Variants in PRDM16 observed in about 807,000 individuals in gnomAD.
PRDM16 encodes PR/SET domain 16.
A neutral mutation model predicts 110.6 loss-of-function variants in PRDM16; 23 were observed. That is an observed-to-expected ratio of 0.21 (90% CI 0.15 to 0.29). PRDM16 has a LOEUF of 0.29. PRDM16 is among the 10% of genes least tolerant of loss of function. The pLI is 1.00. For missense variants in PRDM16, 1,615 were observed against 1,794.3 expected (o/e 0.90, Z 1.81); for synonymous variants, 799 against 781.8 (o/e 1.02, Z -0.37).
In PRDM16 at chr1:3,076,892, G is replaced by T. The variant is rs1641913488; in HGVS notation, c.37+7596G>T. ...ATTCTATAAGGAATTTAAACATGGGGTGATGGTGGGTGTTTTTGGGGGGGA... is the reference window on the plus strand; with the variant it reads ...ATTCTATAAGGAATTTAAACATGGGTTGATGGTGGGTGTTTTTGGGGGGGA... On this transcript the variant is annotated intron_variant, in intron 1 of 16. Coordinates refer to ENST00000270722, the MANE Select transcript of PRDM16 (RefSeq NM_022114.4). Among the ~76,000 whole-genome samples the T allele has an allele frequency of 2.0e-5, 3 of 152,140 alleles. No homozygotes were observed. The South Asian group carries it at 6.2e-4, about 32-fold the overall frequency.
chr1:3,418,579 C>T (rs1404297171), intron 11 of PRDM16, 88 bp from the exon 12 acceptor site: 34 of 889,882 alleles, frequency 3.8e-5, no homozygotes, highest in Non-Finnish European at 5.3e-5. Context: ...TGTGAGACCC[C>T]GAGCATTAGC....
intron 12 of PRDM16, among the ~76,000 whole-genome samples, chr1:3,423,416 G>C (rs1638498215): frequency 6.6e-6 from 1 of 152,150 alleles, no homozygotes; most frequent in Non-Finnish European, 1.5e-5. Flanking sequence ...TGTGTTGATG[G>C]CAGGTCAGAC....
intron 3 of PRDM16, among the ~76,000 whole-genome samples, chr1:3,376,972 C>T (rs543739405): frequency 1.2e-3 from 176 of 152,316 alleles, no homozygotes; most frequent in African/African-American, 3.8e-3. Context: ...CACACCGGAC[C>T]GAGGTGTTTC....
intron 3 of PRDM16, among the ~76,000 whole-genome samples, chr1:3,296,440 G>C (rs1641091174): frequency 6.6e-6 from 1 of 152,264 alleles, no homozygotes; most frequent in African/African-American, 2.4e-5. Context: ...GGTAGGAATG[G>C]GCACAGCCTG....
chr1:3,401,387 A>G (rs1231606671), intron 5 of PRDM16, among the ~76,000 whole-genome samples: 1 of 152,158 alleles, frequency 6.6e-6, no homozygotes, highest in Non-Finnish European at 1.5e-5. Context: ...GACTCTGCTC[A>G]ATGCTGGGCA....
chr1:3,107,217 C>A (rs1322850709), intron 1 of PRDM16, among the ~76,000 whole-genome samples: 1 of 152,210 alleles, frequency 6.6e-6, no homozygotes, highest in African/African-American at 2.4e-5. Flanking sequence ...CACCTTGAAC[C>A]TCACCCTGCC....
rs367724715 is a variant in PRDM16, at chr1:3,148,063, G to A, written c.38-38062G>A. 3.1e-4 allele frequency among the ~76,000 whole-genome samples: 47 copies of A among 152,150 alleles called. No individual in the cohort carries two copies. The highest frequency in any genetic ancestry group is 6.2e-4 in the South Asian group (3 of 4,808). ...CCGAGATGCATTCAGATTCAAGTTC[G>A]GCCTTTGGCGTCTTCTCTCGGGGGC... On this transcript the variant is annotated intron_variant, in intron 1 of 16. Transcript: ENST00000270722. The surrounding 1 kb of genome is among the most constrained non-coding windows in gnomAD (Gnocchi z 5.0).
At position 3,435,596 on chromosome 1, in the gene PRDM16, T is replaced by TA; in HGVS notation, c.*1785_*1786insA. The TA allele has an allele frequency of 8.7e-6, 2 of 229,640 alleles. No homozygotes were observed. Among genetic ancestry groups the TA allele is most frequent in the Non-Finnish European group, 1.7e-5 (2 of 116,216 alleles). 14.2% of individuals were successfully genotyped at this position (229,640 alleles called of 1,614,324 possible). ...AGAAAAAAAATGCCCAAGTTGCCCTTTAAAAAAAAAGAGCGTAAATACAAA... is the reference window on the plus strand; with the variant it reads ...AGAAAAAAAATGCCCAAGTTGCCCTTATAAAAAAAAAGAGCGTAAATACAAA... On this transcript the variant is annotated 3_prime_UTR_variant, in exon 17 of 17. Coordinates refer to ENST00000270722, the MANE Select transcript of PRDM16 (RefSeq NM_022114.4).
At chr1:3,332,228 A>G (rs1642055502) in intron 3 of PRDM16, among the ~76,000 whole-genome samples, 1 of 152,276 alleles carries the variant, frequency 6.6e-6, no homozygotes, top group African/African-American at 2.4e-5. Flanking sequence ...TGGTAATGAG[A>G]TTCTGCCACG....
chr1:3,089,469 G>A (rs551528333), intron 1 of PRDM16, among the ~76,000 whole-genome samples: 5 of 152,250 alleles, frequency 3.3e-5, no homozygotes, highest in Admixed American at 6.5e-5. Context: ...AGGCGGAAGC[G>A]GGTGGAAACT....
chr1:3,277,766 C>T (rs539449898), intron 3 of PRDM16, among the ~76,000 whole-genome samples: 41 of 141,822 alleles, frequency 2.9e-4, no homozygotes, highest in South Asian at 8.6e-4. Flanking sequence ...TGCACACACG[C>T]GCACACACAC....
In PRDM16 at chr1:3,369,118, T is replaced by A. The variant is rs1642867259; in HGVS notation, c.439-16034T>A. ...GGTAATATCATTGTGGGGGACACAC[T>A]CTTAATTCCTTTGATATATTTTGTC... On this transcript the variant is annotated intron_variant, in intron 3 of 16. Transcript: ENST00000270722. Among the ~76,000 whole-genome samples, 6 of 152,186 alleles carry A rather than the reference T, an allele frequency of 3.9e-5. No individual in the cohort carries two copies. In the South Asian group the frequency reaches 1.2e-3, roughly 32 times the overall value.
chr1:3,294,785 C>G (rs1641049706), intron 3 of PRDM16, among the ~76,000 whole-genome samples: 1 of 152,226 alleles, frequency 6.6e-6, no homozygotes, highest in Admixed American at 6.5e-5. Context: ...GAATCAAACA[C>G]AAACCAAGCC....
chr1:3,165,692 G>A (rs1364695216), intron 1 of PRDM16, among the ~76,000 whole-genome samples: 1 of 68,938 alleles, frequency 1.5e-5, no homozygotes, highest in African/African-American at 8.6e-5. Flanking sequence ...TGGGCCCAGG[G>A]ACAGGGACTC....
chr1:3,326,428 G>A (rs577985437), intron 3 of PRDM16, among the ~76,000 whole-genome samples: 2 of 152,300 alleles, frequency 1.3e-5, no homozygotes, highest in South Asian at 2.1e-4. Flanking sequence ...ATTTTAGGAG[G>A]AGCATGATTC....
At chr1:3,231,307 C>A (rs1639403224) in intron 2 of PRDM16, among the ~76,000 whole-genome samples, 1 of 144,834 alleles carries the variant, frequency 6.9e-6, no homozygotes, top group Non-Finnish European at 1.5e-5. Flanking sequence ...TGAGCGCCAT[C>A]ACGATTTGTG....
chr1:3,204,888 A>T (rs932019979), intron 2 of PRDM16, among the ~76,000 whole-genome samples: 4 of 151,652 alleles, frequency 2.6e-5, no homozygotes, highest in African/African-American at 9.7e-5. Flanking sequence ...GGAGAGTGGG[A>T]CCCCCGTTGG....
At chr1:3,305,712 G>A (rs1641298324) in intron 3 of PRDM16, among the ~76,000 whole-genome samples, 1 of 152,250 alleles carries the variant, frequency 6.6e-6, no homozygotes, top group Non-Finnish European at 1.5e-5. Flanking sequence ...GGACTGCCAG[G>A]CCCAGCTCCG....
chr1:3,368,191 G>A lies in PRDM16; in HGVS notation c.439-16961G>A, dbSNP rs115652812. 6.0e-3 allele frequency among the ~76,000 whole-genome samples: 913 copies of A among 152,324 alleles called. 8 individuals are homozygous for A. Among genetic ancestry groups the A allele is most frequent in the African/African-American group, 0.021 (875 of 41,572 alleles). On this transcript the variant is annotated intron_variant, in intron 3 of 16. Transcript: ENST00000270722. Reference sequence around the variant, plus strand: ...CTGGTCCTTCCAGAGCCACCCGCCCGTGGCTGACGCAGGCACCTGACATTC... The same window carrying A: ...CTGGTCCTTCCAGAGCCACCCGCCCATGGCTGACGCAGGCACCTGACATTC...
Sources: gnomAD v4.1 joint callset for allele counts (sites outside exome capture counted in the v4.1 genomes callset) on GRCh38, gnomAD v4.1.1 for gene constraint, Gnocchi (gnomAD v3.1) non-coding constraint, MANE v1.5 for transcripts, NCBI Gene and HGNC (gene_info 2026-07-23, HGNC 2026-07-21) for gene names.